UBXN11: variants seen among roughly 807,000 people sequenced by gnomAD.
The protein encoded by UBXN11 is UBX domain-containing protein 11.
In UBXN11, 47 loss-of-function variants were observed where a neutral mutation model predicts 62.8. That is an observed-to-expected ratio of 0.75 (90% CI 0.59 to 0.95). The LOEUF is 0.95. Ranked by LOEUF, UBXN11 falls within the 40% of genes least tolerant of loss-of-function variation. UBXN11 has a pLI of 0.00. For missense variants in UBXN11, 638 were observed against 661.7 expected (o/e 0.96, Z 0.39); for synonymous variants, 294 against 267.0 (o/e 1.10, Z -0.99).
Position 26,284,249 on chromosome 1 carries a change from C to G in UBXN11, c.974-4G>C. The G allele has an allele frequency of 1.2e-6, 2 of 1,610,322 alleles. No homozygotes were observed. The highest frequency in any genetic ancestry group is 8.5e-7 in the Non-Finnish European group (1 of 1,178,028). ...TTCTCAGCAGTCATCCTGGAGCCTACAGGCAGAGTTGGGAACCGGGGCCCA... is the reference window on the plus strand; with the variant it reads ...TTCTCAGCAGTCATCCTGGAGCCTAGAGGCAGAGTTGGGAACCGGGGCCCA... On this transcript the variant is annotated splice_polypyrimidine_tract_variant and splice_region_variant and intron_variant, in intron 11 of 14. Coordinates refer to ENST00000374222, the MANE Select transcript of UBXN11 (RefSeq NM_001389556.1).
At chr1:26,294,149 G>T in intron 8 of UBXN11, 56 bp downstream of exon 8, 2 of 1,600,712 alleles carry the variant, frequency 1.2e-6, no homozygotes, top group Non-Finnish European at 1.7e-6. Flanking sequence ...CCGGCCAACA[G>T]CAAACTGTTG....
intron 1 of UBXN11, among the ~76,000 whole-genome samples, chr1:26,317,731 A>G (rs2073813436): frequency 6.6e-6 from 1 of 152,032 alleles, no homozygotes; most frequent in African/African-American, 2.4e-5. Context: ...CTTGGGCCCT[A>G]CTTACTCCCA....
intron 8 of UBXN11, among the ~76,000 whole-genome samples, chr1:26,293,968 G>A (rs1348835684): frequency 1.3e-5 from 2 of 152,158 alleles, no homozygotes; most frequent in African/African-American, 2.4e-5. Flanking sequence ...GTCTCTGACA[G>A]ATGAGCAAGA....
Position 26,282,693 on chromosome 1 carries a change from AGGCTGC to A in UBXN11, c.1242_1247del (p.Met414_Pro416delinsIle). ...CTCGCACGTCCCCAATGGTGTTGTCAGGCTGCATCATCAGTAGGAAGGCCTGTTCCC... is the reference window on the plus strand; with the variant it reads ...CTCGCACGTCCCCAATGGTGTTGTCAATCATCAGTAGGAAGGCCTGTTCCC... On this transcript the variant is annotated inframe_deletion, in exon 14 of 15. Coordinates refer to ENST00000374222, the MANE Select transcript of UBXN11 (RefSeq NM_001389556.1). 1 of 1,614,188 alleles carries A rather than the reference AGGCTGC, an allele frequency of 6.2e-7. No individual in the cohort carries two copies. Among genetic ancestry groups the A allele is most frequent in the Non-Finnish European group, 8.5e-7 (1 of 1,180,020 alleles).
In UBXN11 at chr1:26,282,370, CGGGACCGGGACT is replaced by C. The variant is rs2073011857; in HGVS notation, c.1480_1491del (p.Ser494_Pro497del). 7 of 438,578 alleles carry C rather than the reference CGGGACCGGGACT, an allele frequency of 1.6e-5. No individual in the cohort carries two copies. The highest frequency in any genetic ancestry group is 4.4e-5 in the East Asian group (1 of 22,504). 27.2% of individuals were successfully genotyped at this position (438,578 alleles called of 1,614,324 possible). On this transcript the variant is annotated inframe_deletion, in exon 15 of 15. Coordinates refer to ENST00000374222, the MANE Select transcript of UBXN11 (RefSeq NM_001389556.1). The stretch of plus-strand genomic sequence containing the variant: ...CCGGGACCGGGACTGGGGCCGGGAC[CGGGACCGGGACT>C]GGGGCCGGGACCGGGACCGGGACAG...
chr1:26,297,093 C>T (rs1417996390), intron 6 of UBXN11, 98 bp from the exon 7 acceptor site: 2 of 1,378,310 alleles, frequency 1.5e-6, no homozygotes, highest in East Asian at 2.5e-5. Context: ...TTCTGGGGAT[C>T]CCCCAAGAAC....
intron 8 of UBXN11, among the ~76,000 whole-genome samples, chr1:26,290,854 A>C (rs373067579): frequency 2.7e-5 from 4 of 150,654 alleles, no homozygotes; most frequent in Non-Finnish European, 5.9e-5. Flanking sequence ...GGTGGGGGGG[A>C]AGGGAGAACT....
chr1:26,285,132 A>G, intron 10 of UBXN11: 2 of 1,096,492 alleles, frequency 1.8e-6, no homozygotes, highest in South Asian at 5.6e-5. Flanking sequence ...CTACCCAGAT[A>G]GCTTCAGGAG....
intron 4 of UBXN11, among the ~76,000 whole-genome samples, chr1:26,300,574 T>C (rs1270480682): frequency 6.6e-6 from 1 of 152,200 alleles, no homozygotes; most frequent in Non-Finnish European, 1.5e-5. Context: ...GCAGACTGTC[T>C]AGGCGACTTT....
intron 7 of UBXN11, among the ~76,000 whole-genome samples, chr1:26,295,346 C>A (rs1398298701): frequency 6.6e-6 from 1 of 152,134 alleles, no homozygotes. Context: ...CCTGGACAAT[C>A]CAGGGGCGGC....
rs1422643793 is a variant in UBXN11, at chr1:26,293,862, C to CT, written c.559+342_559+343insA. ...AGCAGCTTCTAGAACAGAAGGATTGCCTTTTTTTAAAACGGCAACATCTTC... is the reference window on the plus strand; with the variant it reads ...AGCAGCTTCTAGAACAGAAGGATTGCTCTTTTTTTAAAACGGCAACATCTTC... On this transcript the variant is annotated intron_variant, in intron 8 of 14. Coordinates refer to ENST00000374222, the MANE Select transcript of UBXN11 (RefSeq NM_001389556.1). Among the ~76,000 whole-genome samples, 156 of 150,988 alleles carry CT rather than the reference C, an allele frequency of 1.0e-3. 1 individual carries two copies. The highest frequency in any genetic ancestry group is 3.1e-3 in the African/African-American group (129 of 41,174).
chr1:26,290,805 A>AG (rs1168083863), intron 8 of UBXN11, among the ~76,000 whole-genome samples: 2 of 135,350 alleles, frequency 1.5e-5, no homozygotes, highest in Non-Finnish European at 3.1e-5. Context: ...TCAGGGGAAC[A>AG]GGGAAGTAGT....
chr1:26,301,937 G>A (rs904725789), intron 2 of UBXN11, among the ~76,000 whole-genome samples: 4 of 152,208 alleles, frequency 2.6e-5, no homozygotes, highest in Non-Finnish European at 5.9e-5. Flanking sequence ...AGTGGAGAAG[G>A]ATGGGGAAGG....
chr1:26,295,366 C>T (rs1291908916), intron 7 of UBXN11, among the ~76,000 whole-genome samples: 3 of 152,132 alleles, frequency 2.0e-5, no homozygotes, highest in Non-Finnish European at 4.4e-5. Context: ...CGCCTGCTTC[C>T]CCCGTCCTCT....
intron 1 of UBXN11, among the ~76,000 whole-genome samples, chr1:26,316,125 ATTTTTTTTTTTTT>A (rs57889417): frequency 2.2e-5 from 2 of 91,464 alleles, no homozygotes; most frequent in East Asian, 3.9e-4. Context: ...TGCCCGGCTA[ATTTTTTTTTTTTT>A]TTTTTTTTTT....
chr1:26,299,994 C>A (rs2073490012), intron 4 of UBXN11, among the ~76,000 whole-genome samples: 1 of 147,094 alleles, frequency 6.8e-6, no homozygotes, highest in Admixed American at 6.7e-5. Context: ...AACCCTGTCT[C>A]AAAAAAAATA....
chr1:26,287,465 G>A (rs546651751), intron 8 of UBXN11, among the ~76,000 whole-genome samples: 2 of 152,092 alleles, frequency 1.3e-5, no homozygotes, highest in Admixed American at 6.5e-5. Context: ...ATGGGACCTG[G>A]CCCCCAAGTA....
chr1:26,293,183 A>C (rs2073311482), intron 8 of UBXN11, among the ~76,000 whole-genome samples: 1 of 151,998 alleles, frequency 6.6e-6, no homozygotes, highest in African/African-American at 2.4e-5. Flanking sequence ...AGGGAAGAAC[A>C]CTCCTGTTTT....
At position 26,297,470 on chromosome 1, in the gene UBXN11, T is replaced by C; in HGVS notation, c.312A>G (p.Ile104Met). 6.4e-7 allele frequency: 1 copy of C among 1,556,368 alleles called. No individual in the cohort carries two copies. Residue 104 changes from isoleucine to methionine, a missense_variant, in exon 6 of 15, where the codon ATA (isoleucine) becomes ATG (methionine). Coordinates refer to ENST00000374222, the MANE Select transcript of UBXN11 (RefSeq NM_001389556.1). ...TCTGCACCAGGTCCTCTAGGGCCGC[T>C]ATCTTCTGATCCTGTAGCATAAGAC... ...TDEILSKDQK[I>M]AALEDLVQTL...
Sources: gnomAD v4.1 joint callset for allele counts (sites outside exome capture counted in the v4.1 genomes callset) on GRCh38, gnomAD v4.1.1 for gene constraint, MANE v1.5 for transcripts, NCBI Gene and HGNC (gene_info 2026-07-23, HGNC 2026-07-21) for gene names.